Variants in ADAMTS19 observed in about 807,000 individuals in gnomAD.
ADAMTS19 encodes A disintegrin and metalloproteinase with thrombospondin motifs 19.
A neutral mutation model predicts 153.3 loss-of-function variants in ADAMTS19; 93 were observed. That is an observed-to-expected ratio of 0.61 (90% CI 0.51 to 0.72). ADAMTS19 has a LOEUF of 0.72. ADAMTS19 is among the 30% of genes least tolerant of loss of function. ADAMTS19 has a pLI of 0.00. For synonymous variants in ADAMTS19, 600 were observed against 556.6 expected, an observed-to-expected ratio of 1.08 and a Z score of -1.10; for missense variants, 1,482 against 1,552.1, an observed-to-expected ratio of 0.95 and a Z score of 0.76.
At chr5:129,608,082 TTA>T (rs374653751) in intron 8 of ADAMTS19, among the ~76,000 whole-genome samples, 8,102 of 49,524 alleles carry the variant, frequency 0.16, 474 homozygotes, top group South Asian at 0.34. Flanking sequence ...AATTGGAATT[TTA>T]TATATATGTG....
intron 10 of ADAMTS19, among the ~76,000 whole-genome samples, chr5:129,637,701 G>A (rs917016502): frequency 2.0e-5 from 3 of 152,016 alleles, no homozygotes; most frequent in Non-Finnish European, 2.9e-5. Flanking sequence ...AAAAATTAGC[G>A]GGGCATGGTG....
chr5:129,711,879 CCTTT>C (rs1456061801), intron 21 of ADAMTS19, among the ~76,000 whole-genome samples: 1 of 151,988 alleles, frequency 6.6e-6, no homozygotes, highest in African/African-American at 2.4e-5. Flanking sequence ...AAGTATTTCT[CCTTT>C]CTTTCTGCTT....
intron 7 of ADAMTS19, among the ~76,000 whole-genome samples, chr5:129,561,558 T>C (rs1277057777): frequency 6.8e-6 from 1 of 146,600 alleles, no homozygotes; most frequent in African/African-American, 2.5e-5. Flanking sequence ...AAAAGAAAAA[T>C]GGAGGACTAT....
chr5:129,626,647 A>G (rs1375643586), intron 10 of ADAMTS19, among the ~76,000 whole-genome samples: 1 of 152,098 alleles, frequency 6.6e-6, no homozygotes, highest in African/African-American at 2.4e-5. Context: ...GGTAGCTAGA[A>G]CCATGGAAAA....
At chr5:129,648,501 G>A (rs1753167132) in intron 12 of ADAMTS19, among the ~76,000 whole-genome samples, 1 of 152,134 alleles carries the variant, frequency 6.6e-6, no homozygotes, top group Admixed American at 6.5e-5. Flanking sequence ...ATGGGCATTT[G>A]AAGGCTTTCT....
intron 6 of ADAMTS19, among the ~76,000 whole-genome samples, chr5:129,534,081 G>T (rs1040164312): frequency 6.6e-6 from 1 of 152,058 alleles, no homozygotes; most frequent in Non-Finnish European, 1.5e-5. Flanking sequence ...GTTGACTTGG[G>T]GTGGAGAGTT....
At chr5:129,505,439 G>A (rs990571183) in intron 2 of ADAMTS19, among the ~76,000 whole-genome samples, 1 of 152,090 alleles carries the variant, frequency 6.6e-6, no homozygotes, top group African/African-American at 2.4e-5. Flanking sequence ...ATAGCCCATA[G>A]TTAACTTGAA....
intron 2 of ADAMTS19, among the ~76,000 whole-genome samples, chr5:129,498,997 G>A (rs1751016095): frequency 6.6e-6 from 1 of 151,810 alleles, no homozygotes. Context: ...CTGCTGCATG[G>A]CAGGTATTTA....
intron 2 of ADAMTS19, among the ~76,000 whole-genome samples, chr5:129,480,610 AC>A (rs1750374557): frequency 6.6e-6 from 1 of 152,176 alleles, no homozygotes; most frequent in African/African-American, 2.4e-5. Context: ...TAAAGAAGAT[AC>A]CAGATGGAAA....
chr5:129,471,177 A>C (rs1750052711), intron 2 of ADAMTS19, among the ~76,000 whole-genome samples: 1 of 152,010 alleles, frequency 6.6e-6, no homozygotes, highest in South Asian at 2.1e-4. Context: ...ACTGAATGAC[A>C]AACCTAAAAT....
chr5:129,626,762 C>T (rs961759476), intron 10 of ADAMTS19, among the ~76,000 whole-genome samples: 2 of 152,046 alleles, frequency 1.3e-5, no homozygotes, highest in African/African-American at 4.8e-5. Flanking sequence ...ATCAAAGATC[C>T]TACCTCCATG....
chr5:129,506,014 A>G (rs780666298), intron 2 of ADAMTS19, among the ~76,000 whole-genome samples: 3 of 152,300 alleles, frequency 2.0e-5, no homozygotes, highest in Non-Finnish European at 4.4e-5. Context: ...AAGGCTGCCT[A>G]ATTGTGGATT....
At chr5:129,721,849 A>G (rs971565029) in intron 21 of ADAMTS19, among the ~76,000 whole-genome samples, 1 of 151,992 alleles carries the variant, frequency 6.6e-6, no homozygotes, top group African/African-American at 2.4e-5. Flanking sequence ...CAGAACATGC[A>G]GTGTTTGGTT....
intron 7 of ADAMTS19, among the ~76,000 whole-genome samples, chr5:129,562,015 A>G (rs1054346072): frequency 2.0e-5 from 3 of 152,228 alleles, no homozygotes; most frequent in African/African-American, 4.8e-5. Flanking sequence ...AAAAATAGTC[A>G]TAATACCATC....
intron 13 of ADAMTS19, among the ~76,000 whole-genome samples, chr5:129,651,884 T>C (rs1251577273): frequency 6.6e-6 from 1 of 152,176 alleles, no homozygotes; most frequent in Non-Finnish European, 1.5e-5. Context: ...AATATGACTG[T>C]TCACATCATG....
intron 2 of ADAMTS19, among the ~76,000 whole-genome samples, chr5:129,478,132 A>T (rs1225475579): frequency 2.0e-5 from 3 of 152,228 alleles, no homozygotes; most frequent in Non-Finnish European, 4.4e-5. Context: ...GTAAGGTTAC[A>T]TACTTTGTAG....
chr5:129,563,980 C>T (rs747027470), intron 7 of ADAMTS19, among the ~76,000 whole-genome samples: 5 of 151,812 alleles, frequency 3.3e-5, no homozygotes, highest in Non-Finnish European at 5.9e-5. Flanking sequence ...AGTGCAGTGG[C>T]GCAATCTCGG....
chr5:129,477,709 G>A (rs1750270622), intron 2 of ADAMTS19, among the ~76,000 whole-genome samples: 1 of 152,166 alleles, frequency 6.6e-6, no homozygotes, highest in South Asian at 2.1e-4. Context: ...GCCTTTGGCT[G>A]TGAAGTCTTC....
At chr5:129,690,140 A>G (rs1475255132) in intron 18 of ADAMTS19, among the ~76,000 whole-genome samples, 2 of 151,908 alleles carry the variant, frequency 1.3e-5, no homozygotes, top group African/African-American at 4.9e-5. Flanking sequence ...TAGGTGGTCC[A>G]AAGATGAATA....
Sources: allele counts gnomAD v4.1 joint callset (sites outside exome capture counted in the v4.1 genomes callset), GRCh38; gene constraint gnomAD v4.1.1; transcripts MANE v1.5; gene names NCBI Gene and HGNC (gene_info 2026-07-23, HGNC 2026-07-21).